The following CNIH3 variants were observed in gnomAD, a reference collection of about 807,000 sequenced individuals.
CNIH3 encodes cornichon family AMPA receptor auxiliary protein 3.
CNIH3 carries 14 observed loss-of-function variants against 24.1 expected under a neutral mutation model. That is an observed-to-expected ratio of 0.58 (90% CI 0.38 to 0.91). CNIH3 has a LOEUF of 0.91. Among genes scored for constraint, CNIH3 ranks in the 40% least tolerant of loss-of-function variants. The pLI is 0.00. For synonymous variants in CNIH3, 68 were observed against 73.8 expected, an observed-to-expected ratio of 0.92 and a Z score of 0.40; for missense variants, 178 against 196.8, an observed-to-expected ratio of 0.90 and a Z score of 0.57.
chr1:224,558,585 A>G (rs1680235984), intron 3 of CNIH3, among the ~76,000 whole-genome samples: 1 of 152,240 alleles, frequency 6.6e-6, no homozygotes, highest in South Asian at 2.1e-4. Context: ...AATTCTAAAC[A>G]ATGCAATAAA....
intron 3 of CNIH3, among the ~76,000 whole-genome samples, chr1:224,728,340 G>T (rs1689144840): frequency 1.3e-5 from 2 of 152,216 alleles, no homozygotes; most frequent in African/African-American, 4.8e-5. Context: ...AGATAGGATT[G>T]GTTATCACAG....
At chr1:224,442,386 T>C (rs1046206964) in intron 1 of CNIH3, among the ~76,000 whole-genome samples, 1 of 152,258 alleles carries the variant, frequency 6.6e-6, no homozygotes, top group African/African-American at 2.4e-5. Flanking sequence ...CATTTTCTGC[T>C]ACAGCTCTGA....
intron 1 of CNIH3, among the ~76,000 whole-genome samples, chr1:224,455,591 T>C (rs1381528814): frequency 6.6e-6 from 1 of 152,134 alleles, no homozygotes; most frequent in Non-Finnish European, 1.5e-5. Flanking sequence ...TTCCTTGAGG[T>C]AGACACACCC....
intron 3 of CNIH3, among the ~76,000 whole-genome samples, chr1:224,691,300 G>A (rs1686920914): frequency 6.8e-6 from 1 of 146,426 alleles, no homozygotes; most frequent in African/African-American, 2.6e-5. Flanking sequence ...ACTCAGCCTG[G>A]TCTCCGTGAC....
intron 1 of CNIH3, among the ~76,000 whole-genome samples, chr1:224,504,779 C>T (rs542176129): frequency 6.6e-6 from 1 of 152,216 alleles, no homozygotes; most frequent in South Asian, 2.1e-4. Context: ...CTTGCTAGGC[C>T]TCAGTTTTCT....
At chr1:224,661,006 C>T (rs1391701573) in intron 1 of CNIH3, among the ~76,000 whole-genome samples, 1 of 152,200 alleles carries the variant, frequency 6.6e-6, no homozygotes, top group Non-Finnish European at 1.5e-5. Context: ...CAACAATAAA[C>T]TCAAAAGTCT....
At chr1:224,557,891 C>T (rs989917664) in intron 3 of CNIH3, among the ~76,000 whole-genome samples, 1 of 152,168 alleles carries the variant, frequency 6.6e-6, no homozygotes, top group Non-Finnish European at 1.5e-5. Flanking sequence ...CAGTCCTTAC[C>T]ACAGTCATCT....
downstream of CNIH3, among the ~76,000 whole-genome samples, chr1:224,538,241 G>A (rs1001772513): frequency 2.0e-5 from 3 of 152,016 alleles, no homozygotes; most frequent in African/African-American, 7.3e-5. Context: ...GAGCCACTGC[G>A]CCTGGCCCAG....
At position 224,487,852 on chromosome 1, in the gene CNIH3, A is replaced by G. The variant is rs60455462; in HGVS notation, n.204-27889A>G. Among the ~76,000 whole-genome samples, 9 of 152,318 alleles carry G rather than the reference A, an allele frequency of 5.9e-5. No homozygotes were observed. In the East Asian group the frequency reaches 1.5e-3, roughly 26 times the overall value. ...CATGATGAATTACCTAGGAAAGAGT[A>G]AAAAACAGAGGCCATTGGAAACCCT... On this transcript the variant is annotated intron_variant and non_coding_transcript_variant, in intron 1 of 5. Transcript: ENST00000471578.
intron 2 of CNIH3, among the ~76,000 whole-genome samples, chr1:224,533,689 A>T (rs1161777259): frequency 6.6e-6 from 1 of 151,812 alleles, no homozygotes; most frequent in African/African-American, 2.4e-5. Context: ...TATCATGTGG[A>T]GCTCTCCCTG....
intron 1 of CNIH3, among the ~76,000 whole-genome samples, chr1:224,654,974 T>G (rs2125109389): frequency 6.6e-6 from 1 of 152,258 alleles, no homozygotes; most frequent in South Asian, 2.1e-4. Flanking sequence ...TAGGGTCCCA[T>G]TAGAAAACAG....
chr1:224,650,811 T>C (rs1467048473), intron 1 of CNIH3, among the ~76,000 whole-genome samples: 3 of 152,150 alleles, frequency 2.0e-5, no homozygotes, highest in Non-Finnish European at 2.9e-5. Flanking sequence ...AGAAGACTCC[T>C]TGGGTCTCTG....
In CNIH3 at chr1:224,684,900, A is replaced by G; in HGVS notation, c.198+57A>G. The G allele has an allele frequency of 2.6e-6, 4 of 1,522,758 alleles. No individual in the cohort carries two copies. Among genetic ancestry groups the G allele is most frequent in the Non-Finnish European group, 3.6e-6 (4 of 1,096,864 alleles). 94.3% of individuals were successfully genotyped at this position (1,522,758 alleles called of 1,614,324 possible). ...GGATCGCATGGTGGTGGGTGGGCAC[A>G]CAGTGAAAGAGGCTAGTGAGGCTCT... On this transcript the variant is annotated intron_variant, in intron 3 of 5. Coordinates refer to ENST00000272133, the MANE Select transcript of CNIH3 (RefSeq NM_152495.2). The surrounding 1 kb of genome is among the most constrained non-coding windows in gnomAD (Gnocchi z 4.2).
intron 1 of CNIH3, among the ~76,000 whole-genome samples, chr1:224,651,380 G>A (rs169888): frequency 0.59 from 89,069 of 152,010 alleles, 28,516 homozygotes; most frequent in African/African-American, 0.85. Flanking sequence ...ATTTTACATA[G>A]TTGATAAGGG....
chr1:224,718,045 C>A (rs1390348442), intron 3 of CNIH3, among the ~76,000 whole-genome samples: 1 of 152,066 alleles, frequency 6.6e-6, no homozygotes, highest in Non-Finnish European at 1.5e-5. Flanking sequence ...AGCCACTGTT[C>A]TAGGAATTGG....
intron 3 of CNIH3, among the ~76,000 whole-genome samples, chr1:224,602,882 C>T (rs1303371716): frequency 6.6e-6 from 1 of 152,184 alleles, no homozygotes; most frequent in Non-Finnish European, 1.5e-5. Flanking sequence ...TGGGTACCAT[C>T]TTGGGCCCGT....
intron 1 of CNIH3, chr1:224,434,966 A>T (rs1225585159): frequency 1.0e-6 from 1 of 985,408 alleles, no homozygotes; most frequent in Non-Finnish European, 1.2e-6. Flanking sequence ...CCCCGACCCC[A>T]TCCACGACCC....
intron 4 of CNIH3, chr1:224,583,099 G>A (rs111895780): frequency 7.2e-4 from 109 of 152,290 alleles, no homozygotes; most frequent in African/African-American, 2.6e-3. Flanking sequence ...GTTATTCTGG[G>A]TCCACTTGAG....
intron 1 of CNIH3, among the ~76,000 whole-genome samples, chr1:224,637,012 C>T (rs1276612582): frequency 4.8e-5 from 7 of 146,648 alleles, no homozygotes; most frequent in African/African-American, 1.3e-4. Flanking sequence ...AGTGCAGTGG[C>T]GTGATCTTGG....
Sources: gnomAD v4.1 joint callset for allele counts (sites outside exome capture counted in the v4.1 genomes callset) on GRCh38, gnomAD v4.1.1 for gene constraint, Gnocchi (gnomAD v3.1) non-coding constraint, MANE v1.5 for transcripts, NCBI Gene and HGNC (gene_info 2026-07-23, HGNC 2026-07-21) for gene names.